DPY19L1: variants seen among roughly 807,000 people sequenced by gnomAD.
The protein encoded by DPY19L1 is protein C-mannosyl-transferase DPY19L1.
In DPY19L1, 35 loss-of-function variants were observed where a neutral mutation model predicts 96.9. The ratio of observed to expected loss-of-function variants is 0.36; its 90% confidence interval spans 0.28 to 0.48. The LOEUF (loss-of-function observed/expected upper bound fraction) is 0.48, where lower values mean the gene tolerates loss of function less well. DPY19L1 is among the 20% of genes least tolerant of loss of function. The probability of loss-of-function intolerance (pLI) is 0.99; values close to 1 mark genes in which losing one functional copy is unlikely to be tolerated. For missense variants in DPY19L1, 521 were observed against 777.9 expected, an observed-to-expected ratio of 0.67 and a Z score of 3.93; for synonymous variants, 205 against 252.6, an observed-to-expected ratio of 0.81 and a Z score of 1.79.
rs1234816001 is a variant in DPY19L1 at position 34,929,948 on chromosome 7, A to C, written c.*1625T>G. 1 of 152,242 alleles carries C rather than the reference A, an allele frequency of 6.6e-6. No individual in the cohort carries two copies. The highest frequency in any genetic ancestry group is 1.5e-5 in the Non-Finnish European group (1 of 68,080). 9.4% of individuals were successfully genotyped at this position (152,242 alleles called of 1,614,324 possible). A position where few individuals can be genotyped will look rare whatever the true frequency, so the allele number is the denominator to read the frequency against. The stretch of plus-strand genomic sequence containing the variant: ...AGCTGCGGCTCTAGGCGCTGGCACA[A>C]GACTGGGGGGCGGTGCTTCTCTGAG... On this transcript the variant is annotated 3_prime_UTR_variant, in exon 22 of 22. Transcript: ENST00000638088.
At chr7:34,999,235 A>G (rs1215776914) in intron 6 of DPY19L1, among the ~76,000 whole-genome samples, 3 of 152,226 alleles carry the variant, frequency 2.0e-5, no homozygotes, top group Non-Finnish European at 4.4e-5. Context: ...AACTAGCCAC[A>G]CACAAAAGGA....
intron 21 of DPY19L1, among the ~76,000 whole-genome samples, chr7:34,936,760 A>C (rs1220108093): frequency 1.3e-5 from 2 of 152,352 alleles, no homozygotes; most frequent in South Asian, 2.1e-4. Context: ...CGTTCATAGG[A>C]GAATCATTCT....
chr7:35,000,990 G>A (rs765507733), intron 6 of DPY19L1, among the ~76,000 whole-genome samples: 1 of 152,246 alleles, frequency 6.6e-6, no homozygotes, highest in African/African-American at 2.4e-5. Context: ...AGCCACTGTT[G>A]GTACTCAAAT....
intron 6 of DPY19L1, among the ~76,000 whole-genome samples, chr7:35,007,989 A>G (rs948597624): frequency 6.6e-6 from 1 of 152,024 alleles, no homozygotes; most frequent in African/African-American, 2.4e-5. Flanking sequence ...TGAATCCTCC[A>G]CAACACTCCC....
intron 10 of DPY19L1, among the ~76,000 whole-genome samples, chr7:34,966,534 C>T (rs1345059000): frequency 7.2e-5 from 11 of 152,116 alleles, no homozygotes; most frequent in African/African-American, 2.7e-4. Flanking sequence ...TCAAGTGAAC[C>T]CCACCTTGGC....
At chr7:34,979,918 A>G (rs1584234174) in intron 7 of DPY19L1, among the ~76,000 whole-genome samples, 1 of 152,078 alleles carries the variant, frequency 6.6e-6, no homozygotes. Context: ...AACTGATTCT[A>G]AAATTTATAT....
At chr7:35,025,259 T>C (rs1434068730) in intron 1 of DPY19L1, among the ~76,000 whole-genome samples, 1 of 152,160 alleles carries the variant, frequency 6.6e-6, no homozygotes, top group East Asian at 1.9e-4. Context: ...AGCCAACAAG[T>C]ATCTAAATGC....
chr7:34,964,711 TGAG>T (rs1784574365), intron 10 of DPY19L1, among the ~76,000 whole-genome samples: 3 of 152,166 alleles, frequency 2.0e-5, no homozygotes, highest in Admixed American at 2.0e-4. Context: ...CAAAGCATGA[TGAG>T]GACATGTTAA....
chr7:34,977,577 AAC>A lies in DPY19L1; in HGVS notation c.823-3974_823-3973del, dbSNP rs1189056222. Among the ~76,000 whole-genome samples the A allele has an allele frequency of 3.9e-5, 6 of 152,348 alleles. No homozygotes were observed. The East Asian group carries it at 1.2e-3, about 29-fold the overall frequency. On this transcript the variant is annotated intron_variant, in intron 7 of 21. Coordinates refer to ENST00000638088, the MANE Select transcript of DPY19L1 (RefSeq NM_001366673.1). Reference sequence around the variant, plus strand: ...AAGTGCTTTCTATTGTTTCTCCAATAACACAACGTGTTTTACTAGGTCTGGTA... The same window carrying A: ...AAGTGCTTTCTATTGTTTCTCCAATAACAACGTGTTTTACTAGGTCTGGTA...
intron 7 of DPY19L1, among the ~76,000 whole-genome samples, chr7:34,982,278 G>T (rs1435491361): frequency 6.6e-6 from 1 of 152,150 alleles, no homozygotes; most frequent in Non-Finnish European, 1.5e-5. Context: ...TATGATAACA[G>T]TATTGTGATT....
intron 6 of DPY19L1, among the ~76,000 whole-genome samples, chr7:35,005,758 C>A (rs1785539448): frequency 6.6e-6 from 1 of 151,276 alleles, no homozygotes. Flanking sequence ...ATGCAGTGAG[C>A]TGAGATCGCA....
At chr7:35,024,105 G>C (rs1412848529) in intron 1 of DPY19L1, among the ~76,000 whole-genome samples, 1 of 151,890 alleles carries the variant, frequency 6.6e-6, no homozygotes, top group Non-Finnish European at 1.5e-5. Context: ...CAAAGTGCCG[G>C]GATAACAGGC....
chr7:34,931,828 C>T (rs1783759000), intron 21 of DPY19L1, 99 bp from the exon 22 acceptor site: 1 of 1,444,774 alleles, frequency 6.9e-7, no homozygotes, highest in Admixed American at 2.9e-5. Flanking sequence ...TCCTTTTTTC[C>T]CCTTAAATTA....
chr7:34,966,385 C>T (rs1241378574), intron 10 of DPY19L1, among the ~76,000 whole-genome samples: 1 of 152,034 alleles, frequency 6.6e-6, no homozygotes, highest in Non-Finnish European at 1.5e-5. Flanking sequence ...GCAGTCTCAA[C>T]CTCCTGGGCT....
chr7:34,935,094 C>T (rs1783839288), intron 21 of DPY19L1, among the ~76,000 whole-genome samples: 1 of 152,196 alleles, frequency 6.6e-6, no homozygotes, highest in Non-Finnish European at 1.5e-5. Context: ...TATGGCTGGG[C>T]ATGGGTTTTC....
At chr7:35,023,837 T>TC (rs200343902) in intron 1 of DPY19L1, among the ~76,000 whole-genome samples, 43 of 141,016 alleles carry the variant, frequency 3.0e-4, no homozygotes, top group Middle Eastern at 3.6e-3. Context: ...TCTTTTCTTT[T>TC]TTTTTTTTTT....
intron 10 of DPY19L1, among the ~76,000 whole-genome samples, chr7:34,961,533 T>C (rs1404518264): frequency 1.3e-5 from 2 of 152,184 alleles, no homozygotes; most frequent in Non-Finnish European, 2.9e-5. Context: ...ACTGCAAAAC[T>C]ATAAAGCTCC....
chr7:34,952,776 T>A (rs1209491144), intron 13 of DPY19L1, among the ~76,000 whole-genome samples: 1 of 152,018 alleles, frequency 6.6e-6, no homozygotes, highest in Admixed American at 6.6e-5. Flanking sequence ...GTGAAGAAAC[T>A]GGTAACTCCC....
intron 1 of DPY19L1, among the ~76,000 whole-genome samples, chr7:35,020,125 C>A (rs2128680665): frequency 6.6e-6 from 1 of 152,194 alleles, no homozygotes; most frequent in East Asian, 1.9e-4. Context: ...ACAACAAGAC[C>A]CTGTCTCTAA....
Sources: gnomAD v4.1 joint callset for allele counts (sites outside exome capture counted in the v4.1 genomes callset) on GRCh38, gnomAD v4.1.1 for gene constraint, MANE v1.5 for transcripts, NCBI Gene and HGNC (gene_info 2026-07-23, HGNC 2026-07-21) for gene names.